LIMS3: variants seen among roughly 807,000 people sequenced by gnomAD.
LIMS3 encodes LIM zinc finger domain containing 3.
Position 109,914,440 on chromosome 2 carries a change from CT to C in LIMS3, c.375del (p.Gln126ArgfsTer23), listed in dbSNP as rs1677031637. The C allele has an allele frequency of 1.7e-6, 1 of 606,056 alleles. No homozygotes were observed. The highest frequency in any genetic ancestry group is 2.4e-5 in the African/African-American group (1 of 41,622). 37.5% of individuals were successfully genotyped at this position (606,056 alleles called of 1,614,324 possible). On this transcript the variant is annotated frameshift_variant, in exon 3 of 10. Coordinates refer to ENST00000480744, the MANE Select transcript of LIMS3 (RefSeq NM_001394901.1). LOFTEE classifies it high-confidence loss of function. ...AAGGAAGAAAGTACTGTGAACATGA[CT>C]TTCAGATGCTCTTTGCCCCTTGCTG... ...FEGRKYCEHD[F>X]QMLFAPCCHQ...
At chr2:109,923,983 T>C (rs1431180515) in intron 8 of LIMS3, among the ~76,000 whole-genome samples, 2 of 32,244 alleles carry the variant, frequency 6.2e-5, no homozygotes, top group Admixed American at 3.3e-4. Context: ...TGCAGTGAGC[T>C]GTGATTGCGC....
chr2:109,912,836 A>G (rs2438764), intron 2 of LIMS3, among the ~76,000 whole-genome samples: 11,738 of 147,380 alleles, frequency 0.08, 39 homozygotes, highest in African/African-American at 0.23. Context: ...TGAGGTCAGG[A>G]GTTCGAGACC....
chr2:109,918,336 CAA>C (rs779481865), intron 5 of LIMS3, among the ~76,000 whole-genome samples: 35 of 28,242 alleles, frequency 1.2e-3, no homozygotes, highest in African/African-American at 6.3e-3. Flanking sequence ...AGACTCGTCT[CAA>C]AAAAAAAAAA....
At chr2:109,918,372 TTTGG>T (rs1677061002) in intron 5 of LIMS3, among the ~76,000 whole-genome samples, 1 of 94,770 alleles carries the variant, frequency 1.1e-5, no homozygotes, top group African/African-American at 4.0e-5. Context: ...AAGAAAACAG[TTTGG>T]TTGTATAAGT....
At chr2:109,924,076 C>T (rs1258515944) in intron 8 of LIMS3, among the ~76,000 whole-genome samples, 1 of 58,612 alleles carries the variant, frequency 1.7e-5, no homozygotes, top group Non-Finnish European at 3.1e-5. Flanking sequence ...TAGTGGCATG[C>T]ACTGTAGTCC....
intron 2 of LIMS3, among the ~76,000 whole-genome samples, chr2:109,912,994 G>A (rs1386652974): frequency 1.4e-5 from 2 of 147,730 alleles, no homozygotes; most frequent in African/African-American, 4.9e-5. Flanking sequence ...AGTGAGCCAA[G>A]ATTGTACCAC....
rs528566918 is a variant in LIMS3 at position 109,912,937 on chromosome 2, G to A, written c.343-1474G>A. 2.6e-5 allele frequency among the ~76,000 whole-genome samples: 4 copies of A among 152,312 alleles called. No individual in the cohort carries two copies. The South Asian group carries it at 8.3e-4, about 32-fold the overall frequency. On this transcript the variant is annotated intron_variant, in intron 2 of 9. Coordinates refer to ENST00000480744, the MANE Select transcript of LIMS3 (RefSeq NM_001394901.1). Reference sequence around the variant, plus strand: ...GGGTGCTTGTAATCCCAGCTACTCAGGAGGCTGAGGCAGGAGAATTGCTTG... The same window carrying A: ...GGGTGCTTGTAATCCCAGCTACTCAAGAGGCTGAGGCAGGAGAATTGCTTG...
At chr2:109,924,209 T>A (rs1184985871) in intron 8 of LIMS3, 139 bp from the exon 9 acceptor site, 2 of 5,138 alleles carry the variant, frequency 3.9e-4, no homozygotes, top group Admixed American at 6.0e-3. Flanking sequence ...TCTCATTTTT[T>A]AAAAAAAACG....
chr2:109,913,231 TCAAA>T (rs1359548979), intron 2 of LIMS3, among the ~76,000 whole-genome samples: 1 of 35,142 alleles, frequency 2.8e-5, no homozygotes, highest in Non-Finnish European at 6.1e-5. Context: ...ATTTTAATAA[TCAAA>T]CAGTGTATGA....
At chr2:109,918,181 T>TA (rs1323924995) in intron 5 of LIMS3, among the ~76,000 whole-genome samples, 13 of 150,930 alleles carry the variant, frequency 8.6e-5, no homozygotes, top group East Asian at 2.0e-4. Flanking sequence ...CTACTAAAAA[T>TA]AAAAAAATTA....
At chr2:109,918,273 G>T (rs1677055128) in intron 5 of LIMS3, among the ~76,000 whole-genome samples, 1 of 151,634 alleles carries the variant, frequency 6.6e-6, no homozygotes, top group South Asian at 2.1e-4. Flanking sequence ...GGGAGGTGGA[G>T]CTTGCAGTGA....
chr2:109,924,090 C>T lies in LIMS3; in HGVS notation c.974-258C>T, dbSNP rs1208476316. On this transcript the variant is annotated intron_variant, in intron 8 of 9. Coordinates refer to ENST00000480744, the MANE Select transcript of LIMS3 (RefSeq NM_001394901.1). The stretch of plus-strand genomic sequence containing the variant: ...ATAGTGGCATGCACTGTAGTCCCAG[C>T]TACTCAGGAGGCTGAGGTGGGAGGA... Among the ~76,000 whole-genome samples the T allele has an allele frequency of 7.5e-3, 380 of 50,452 alleles. 36 individuals are homozygous for T. The highest frequency in any genetic ancestry group is 0.027 in the Admixed American group (136 of 4,952). 33.1% of individuals were successfully genotyped at this position (50,452 alleles called of 152,430 possible). A position where few individuals can be genotyped will look rare whatever the true frequency, so the allele number is the denominator to read the frequency against.
intron 5 of LIMS3, among the ~76,000 whole-genome samples, chr2:109,918,196 G>C (rs1195108786): frequency 1.3e-5 from 2 of 152,148 alleles, no homozygotes; most frequent in South Asian, 2.1e-4. Context: ...AAATTAGCCA[G>C]GCGTGGTGGT....
At chr2:109,914,034 G>GA (rs1677020381) in intron 2 of LIMS3, among the ~76,000 whole-genome samples, 2 of 136,328 alleles carry the variant, frequency 1.5e-5, no homozygotes, top group Non-Finnish European at 3.2e-5. Context: ...ATATCGACCT[G>GA]AAAAATGTGG....
chr2:109,912,755 GT>G (rs1676995957), intron 2 of LIMS3, among the ~76,000 whole-genome samples: 1 of 146,886 alleles, frequency 6.8e-6, no homozygotes, highest in Admixed American at 6.8e-5. Context: ...GAATTAAAAA[GT>G]GAAAGCTGGA....
intron 8 of LIMS3, among the ~76,000 whole-genome samples, chr2:109,923,949 C>T (rs1164963434): frequency 6.2e-5 from 1 of 16,002 alleles, no homozygotes; most frequent in Non-Finnish European, 1.0e-4. Flanking sequence ...GCAGGAGAAT[C>T]GCTTGAACCC....
intron 2 of LIMS3, among the ~76,000 whole-genome samples, 198 bp from the exon 3 acceptor site, chr2:109,914,213 G>GT (rs2106594436): frequency 6.6e-6 from 1 of 152,276 alleles, no homozygotes; most frequent in South Asian, 2.1e-4. Context: ...TACTTATTCC[G>GT]TATGTCTTTC....
At chr2:109,914,523 AGGCGCGGT>A in intron 3 of LIMS3, 46 bp downstream of exon 3, 1 of 442,608 alleles carries the variant, frequency 2.3e-6, no homozygotes, top group East Asian at 3.7e-5. Context: ...GTTTCCGGCC[AGGCGCGGT>A]GGCTCACACC....
intron 8 of LIMS3, among the ~76,000 whole-genome samples, chr2:109,924,033 C>T (rs1375365679): frequency 2.7e-5 from 1 of 36,600 alleles, no homozygotes. Flanking sequence ...GACTCTGTCT[C>T]AAAAAAAAAA....
Sources: gnomAD v4.1 joint callset for allele counts (sites outside exome capture counted in the v4.1 genomes callset) on GRCh38, gnomAD v4.1.1 for gene constraint, MANE v1.5 for transcripts, NCBI Gene and HGNC (gene_info 2026-07-23, HGNC 2026-07-21) for gene names.